Variants in ENTREP2 observed in about 807,000 individuals in gnomAD.
ENTREP2 encodes protein ENTREP2.
the ENTREP2 span, among the ~76,000 whole-genome samples, chr15:29,556,123 G>A: frequency 6.6e-6 from 1 of 152,154 alleles, no homozygotes; most frequent in Non-Finnish European, 1.5e-5. Context: ...GCCGGGAGTG[G>A]TGGCATGCCA....
the ENTREP2 span, among the ~76,000 whole-genome samples, chr15:29,473,545 T>G: frequency 2.0e-5 from 3 of 152,190 alleles, no homozygotes; most frequent in African/African-American, 7.2e-5. Context: ...AAACACCGCA[T>G]GAGCTAAAGA....
At chr15:29,387,479 C>T in the ENTREP2 span, among the ~76,000 whole-genome samples, 3 of 152,236 alleles carry the variant, frequency 2.0e-5, no homozygotes, top group East Asian at 5.8e-4. Flanking sequence ...AGGATACAAA[C>T]AAATGGAAGA....
At chr15:29,366,131 T>C in the ENTREP2 span, among the ~76,000 whole-genome samples, 2 of 152,180 alleles carry the variant, frequency 1.3e-5, no homozygotes, top group Admixed American at 6.5e-5. Context: ...TGGAGTGCAG[T>C]AGCATGATCT....
chr15:29,173,944 C>CAAAAAA, the ENTREP2 span, among the ~76,000 whole-genome samples: 14 of 78,692 alleles, frequency 1.8e-4, no homozygotes, highest in African/African-American at 5.0e-4. Context: ...TCTGGATAGC[C>CAAAAAA]AAAAAAAAAA....
chr15:29,606,927 G>C, the ENTREP2 span, among the ~76,000 whole-genome samples: 14 of 152,046 alleles, frequency 9.2e-5, no homozygotes, highest in South Asian at 2.9e-3. Context: ...TCTGCCTCCC[G>C]GGTTCAAGCA....
At chr15:29,150,920 A>C in the ENTREP2 span, among the ~76,000 whole-genome samples, 1 of 152,162 alleles carries the variant, frequency 6.6e-6, no homozygotes, top group African/African-American at 2.4e-5. Context: ...AAAGAGACCG[A>C]GGCAGAAAGA....
At chr15:29,141,126 G>C in the ENTREP2 span, among the ~76,000 whole-genome samples, 2 of 152,214 alleles carry the variant, frequency 1.3e-5, no homozygotes, top group Non-Finnish European at 2.9e-5. Flanking sequence ...CTGGCCTTGG[G>C]CAGCTTCCCA....
the ENTREP2 span, among the ~76,000 whole-genome samples, chr15:29,662,211 CAAA>C: frequency 4.0e-3 from 188 of 46,960 alleles, 1 homozygote; most frequent in African/African-American, 0.012. Flanking sequence ...AACCCTGTCG[CAAA>C]AAAAAAAAAA....
the ENTREP2 span, chr15:29,268,744 C>T: frequency 6.5e-7 from 1 of 1,546,102 alleles, no homozygotes; most frequent in Non-Finnish European, 8.7e-7. Context: ...TAAACTGTGC[C>T]TTTGGGTCTC....
the ENTREP2 span, among the ~76,000 whole-genome samples, chr15:29,576,501 A>G: frequency 1.3e-5 from 2 of 152,268 alleles, no homozygotes; most frequent in Non-Finnish European, 2.9e-5. Flanking sequence ...ACACTTTTGT[A>G]CATCAAAGCA....
At chr15:29,119,589 T>TA in the ENTREP2 span, among the ~76,000 whole-genome samples, 3 of 11,572 alleles carry the variant, frequency 2.6e-4, no homozygotes, top group African/African-American at 4.3e-4. Flanking sequence ...CCCTAAAACT[T>TA]AGAGTATAAT....
chr15:29,649,867 G>A, the ENTREP2 span, among the ~76,000 whole-genome samples: 1 of 152,102 alleles, frequency 6.6e-6, no homozygotes, highest in East Asian at 1.9e-4. Flanking sequence ...CCAAAAATCT[G>A]AGGTAGAAAT....
chr15:29,489,872 G>T, the ENTREP2 span, among the ~76,000 whole-genome samples: 1 of 152,176 alleles, frequency 6.6e-6, no homozygotes, highest in South Asian at 2.1e-4. Flanking sequence ...CACAGGTCTC[G>T]AGATGGCTGA....
At chr15:29,167,988 A>G in the ENTREP2 span, among the ~76,000 whole-genome samples, 1 of 152,240 alleles carries the variant, frequency 6.6e-6, no homozygotes, top group Non-Finnish European at 1.5e-5. Flanking sequence ...AATACTACTT[A>G]GCCATAAAAA....
the ENTREP2 span, among the ~76,000 whole-genome samples, chr15:29,133,897 C>T: frequency 1.1e-4 from 17 of 152,248 alleles, no homozygotes; most frequent in South Asian, 6.2e-4. Flanking sequence ...TCTTTACGGA[C>T]GACCTTCTGT....
chr15:29,490,976 C>T, the ENTREP2 span, among the ~76,000 whole-genome samples: 6 of 152,226 alleles, frequency 3.9e-5, no homozygotes, highest in African/African-American at 1.4e-4. Flanking sequence ...CGGGAGCCCA[C>T]TGCAGGGGGC....
the ENTREP2 span, among the ~76,000 whole-genome samples, chr15:29,275,657 A>G: frequency 2.0e-5 from 3 of 152,372 alleles, no homozygotes; most frequent in East Asian, 5.8e-4. Flanking sequence ...TGTTTATAGT[A>G]ATTAAATGTT....
the ENTREP2 span, among the ~76,000 whole-genome samples, chr15:29,384,815 A>G: frequency 2.0e-5 from 3 of 152,148 alleles, no homozygotes; most frequent in African/African-American, 7.2e-5. Context: ...TGAGGGCCAC[A>G]TTCCGGGGCT....
At chr15:29,304,319 C>T in the ENTREP2 span, among the ~76,000 whole-genome samples, 5 of 152,090 alleles carry the variant, frequency 3.3e-5, no homozygotes, top group African/African-American at 1.2e-4. Flanking sequence ...AACTCTCCAC[C>T]CAAAATTAAG....
Sources: allele counts gnomAD v4.1 joint callset (sites outside exome capture counted in the v4.1 genomes callset), GRCh38; gene constraint gnomAD v4.1.1; transcripts MANE v1.5; gene names NCBI Gene and HGNC (gene_info 2026-07-23, HGNC 2026-07-21).